CRYL1: variants seen among roughly 807,000 people sequenced by gnomAD.
The protein encoded by CRYL1 is lambda-crystallin homolog.
Under a neutral mutation model 36.6 loss-of-function variants are expected in CRYL1, and 29 were observed. The observed-to-expected ratio is 0.79, with a 90% CI of 0.59 to 1.08. The LOEUF is 1.08. CRYL1 is among the 50% of genes least tolerant of loss of function. CRYL1 has a pLI of 0.00. For missense variants in CRYL1, 411 were observed against 407.9 expected, an observed-to-expected ratio of 1.01 and a Z score of -0.06; for synonymous variants, 152 against 151.5, an observed-to-expected ratio of 1.00 and a Z score of -0.02.
At position 20,481,149 on chromosome 13, in the gene CRYL1, C is replaced by T. The variant is rs2033268261; in HGVS notation, c.276+8221G>A. Among the ~76,000 whole-genome samples, 1 of 152,178 alleles carries T rather than the reference C, an allele frequency of 6.6e-6. No homozygotes were observed. Among genetic ancestry groups the T allele is most frequent in the Admixed American group, 6.5e-5 (1 of 15,270 alleles). On this transcript the variant is annotated intron_variant, in intron 3 of 7. Coordinates refer to ENST00000298248, the MANE Select transcript of CRYL1 (RefSeq NM_015974.3). The surrounding 1 kb of genome is among the most constrained non-coding windows in gnomAD (Gnocchi z 4.1). ...ATTAGGACAGAATGTTTTCACACTT[C>T]GCAAGTGAAAACTGAAGGCTCGTGC...
intron 1 of CRYL1, among the ~76,000 whole-genome samples, chr13:20,523,065 C>G (rs1391347292): frequency 6.6e-6 from 1 of 151,742 alleles, no homozygotes; most frequent in African/African-American, 2.4e-5. Context: ...TACAGGCATG[C>G]ACCACCACGC....
At chr13:20,522,911 CTTTTTTTTTT>C (rs386378385) in intron 1 of CRYL1, among the ~76,000 whole-genome samples, 2 of 82,956 alleles carry the variant, frequency 2.4e-5, no homozygotes, top group African/African-American at 4.5e-5. Context: ...CCCATTTCTA[CTTTTTTTTTT>C]TTTTTTTTTT....
chr13:20,409,164 G>A (rs1469716910), intron 6 of CRYL1, among the ~76,000 whole-genome samples: 1 of 151,586 alleles, frequency 6.6e-6, no homozygotes, highest in African/African-American at 2.4e-5. Context: ...ATAGATCAAT[G>A]GAACAGAACA....
intron 5 of CRYL1, among the ~76,000 whole-genome samples, chr13:20,416,941 A>G (rs1270372716): frequency 1.3e-5 from 2 of 152,168 alleles, no homozygotes; most frequent in South Asian, 2.1e-4. Context: ...ATCAGTCACT[A>G]TTCACCAGTA....
chr13:20,463,967 T>A (rs772793487), intron 3 of CRYL1, among the ~76,000 whole-genome samples: 1 of 151,972 alleles, frequency 6.6e-6, no homozygotes, highest in African/African-American at 2.4e-5. Flanking sequence ...AAGCAAGACA[T>A]AAAAATGAAC....
chr13:20,521,124 AG>A (rs2034087364), intron 1 of CRYL1, among the ~76,000 whole-genome samples: 6 of 56,794 alleles, frequency 1.1e-4, no homozygotes, highest in East Asian at 6.7e-4. Flanking sequence ...AAAAAAAAAA[AG>A]GAAAGAAAGA....
chr13:20,460,561 TG>T (rs1364307478), intron 3 of CRYL1, among the ~76,000 whole-genome samples: 1 of 120,480 alleles, frequency 8.3e-6, no homozygotes, highest in Non-Finnish European at 1.6e-5. Flanking sequence ...AGTCTCGCTC[TG>T]TCGCCCAGGC....
intron 3 of CRYL1, among the ~76,000 whole-genome samples, chr13:20,460,693 T>C (rs1375158275): frequency 6.6e-6 from 1 of 151,380 alleles, no homozygotes; most frequent in Non-Finnish European, 1.5e-5. Flanking sequence ...GCCCGGCTAA[T>C]TTTTTGTATT....
rs936850422 is a variant in CRYL1, at chr13:20,425,027, C to T, written c.633+7075G>A. On this transcript the variant is annotated intron_variant, in intron 5 of 7. Transcript: ENST00000298248. This position sits in a 1 kb window ranked among gnomAD's most constrained non-coding sequence, Gnocchi z 4.4. ...CTGGGCCCATCGCTCTATGTGACTT[C>T]GTGCCAAGACCACACAGATGTTGCC... Among the ~76,000 whole-genome samples, 8 of 152,180 alleles carry T rather than the reference C, an allele frequency of 5.3e-5. No individual in the cohort carries two copies. The highest frequency in any genetic ancestry group is 9.7e-5 in the African/African-American group (4 of 41,448).
At chr13:20,449,774 TCAG>T (rs780092029) in intron 3 of CRYL1, among the ~76,000 whole-genome samples, 1 of 152,112 alleles carries the variant, frequency 6.6e-6, no homozygotes, top group African/African-American at 2.4e-5. Context: ...TGTACAAAAA[TCAG>T]CAGCATTTTT....
At chr13:20,505,005 T>C (rs976083321) in intron 2 of CRYL1, among the ~76,000 whole-genome samples, 5 of 152,200 alleles carry the variant, frequency 3.3e-5, no homozygotes, top group Non-Finnish European at 7.3e-5. Context: ...AGAATATTCA[T>C]GCAGATGTAG....
intron 2 of CRYL1, among the ~76,000 whole-genome samples, chr13:20,511,738 G>A (rs1473517299): frequency 6.6e-6 from 1 of 152,182 alleles, no homozygotes. Context: ...ATGCGGTGAG[G>A]GTGCTCCACG....
At chr13:20,440,015 C>T (rs879897426) in intron 3 of CRYL1, 1 of 371,896 alleles carries the variant, frequency 2.7e-6, no homozygotes, top group East Asian at 4.4e-5. Context: ...ATAAGACCCT[C>T]ATTCCAGAGG....
intron 5 of CRYL1, among the ~76,000 whole-genome samples, chr13:20,422,249 A>G (rs7329447): frequency 0.72 from 109,854 of 151,598 alleles, 41,074 homozygotes; most frequent in Admixed American, 0.83. Context: ...AGTCCCACCC[A>G]CTTGGGAGGC....
intron 3 of CRYL1, among the ~76,000 whole-genome samples, chr13:20,466,273 T>C (rs1172667427): frequency 6.6e-6 from 1 of 152,142 alleles, no homozygotes; most frequent in East Asian, 1.9e-4. Flanking sequence ...CTTAAACAAG[T>C]GTTAAGGTCC....
At chr13:20,509,994 A>G (rs1403416795) in intron 2 of CRYL1, among the ~76,000 whole-genome samples, 2 of 152,360 alleles carry the variant, frequency 1.3e-5, no homozygotes, top group African/African-American at 4.8e-5. Context: ...GCTAAAATCC[A>G]GAACACTGAC....
chr13:20,505,867 G>A lies in CRYL1; in HGVS notation c.149+6576C>T, dbSNP rs1220149477. Among the ~76,000 whole-genome samples the A allele has an allele frequency of 1.2e-4, 18 of 152,118 alleles. 1 individual carries two copies. The highest frequency in any genetic ancestry group is 1.2e-3 in the Admixed American group (18 of 15,268). On this transcript the variant is annotated intron_variant, in intron 2 of 7. Transcript: ENST00000298248. ...TGTGGTCAGGGACATTTTAACCTTG[G>A]GGTTTCTGAACATCTAAGCACCACA...
intron 5 of CRYL1, chr13:20,419,110 G>A (rs1187264363): frequency 6.6e-6 from 1 of 152,214 alleles, no homozygotes; most frequent in Non-Finnish European, 1.5e-5. Context: ...ATGGAACAAA[G>A]TTAAATCTCG....
intron 2 of CRYL1, among the ~76,000 whole-genome samples, chr13:20,491,054 G>A (rs1166346130): frequency 6.6e-6 from 1 of 152,084 alleles, no homozygotes; most frequent in Non-Finnish European, 1.5e-5. Context: ...ACACATGCGT[G>A]CCACCACGCC....
Sources: allele counts gnomAD v4.1 joint callset (sites outside exome capture counted in the v4.1 genomes callset), GRCh38; gene constraint gnomAD v4.1.1; non-coding constraint Gnocchi (gnomAD v3.1); transcripts MANE v1.5; gene names NCBI Gene and HGNC (gene_info 2026-07-23, HGNC 2026-07-21).